IRAK1BP1: variants seen among roughly 807,000 people sequenced by gnomAD.
The protein encoded by IRAK1BP1 is interleukin-1 receptor-associated kinase 1-binding protein 1.
Under a neutral mutation model 28.0 loss-of-function variants are expected in IRAK1BP1, and 24 were observed. The observed-to-expected ratio is 0.86, with a 90% CI of 0.62 to 1.20. IRAK1BP1 has a LOEUF of 1.20. IRAK1BP1 is among the 50% of genes most tolerant of loss of function. The pLI is 0.00. For synonymous variants in IRAK1BP1, 131 were observed against 116.3 expected (o/e 1.13, Z -0.81); for missense variants, 336 against 316.7 (o/e 1.06, Z -0.46).
chr6:78,877,564 C>T (rs984512693), intron 1 of IRAK1BP1, among the ~76,000 whole-genome samples: 9 of 152,172 alleles, frequency 5.9e-5, no homozygotes, highest in African/African-American at 1.2e-4. Context: ...CCAGCGTGAG[C>T]GATGCAGAAG....
intron 4 of IRAK1BP1, chr6:78,940,018 T>TA (rs1773408801): frequency 6.6e-6 from 1 of 152,314 alleles, no homozygotes; most frequent in Non-Finnish European, 1.5e-5. Context: ...TCTGAAAAAT[T>TA]AGACAGTCAA....
In IRAK1BP1 at chr6:78,867,891, G is replaced by C; in HGVS notation, c.315G>C (p.Gln105His). 1 of 1,579,320 alleles carries C rather than the reference G, an allele frequency of 6.3e-7. No individual in the cohort carries two copies. The highest frequency in any genetic ancestry group is 8.6e-7 in the Non-Finnish European group (1 of 1,161,362). Residue 105 changes from glutamine to histidine, a missense_variant and splice_region_variant, in exon 1 of 4, where the codon CAG becomes CAC. Transcript: ENST00000369940. ...ITQSLQQQGV[Q>H]AENITVTKDF... ...AGAGCCTCCAGCAGCAGGGCGTGCA[G>C]GTGAGATCTCCGCGGGGGAGGAAAT...
chr6:78,940,828 G>A (rs2485701), intron 4 of IRAK1BP1: 2 of 1,613,790 alleles, frequency 1.2e-6, no homozygotes, highest in East Asian at 4.5e-5. Context: ...CCTCATTATA[G>A]AAAGCTGTCC....
intron 4 of IRAK1BP1, chr6:78,936,100 T>A (rs939438240): frequency 5.3e-5 from 8 of 151,924 alleles, no homozygotes; most frequent in Admixed American, 1.3e-4. Context: ...AATATGATAC[T>A]CCAGGTTCGG....
rs543922775 is a variant in IRAK1BP1, at chr6:78,924,181, TA to T, written c.*67+21074del. Among the ~76,000 whole-genome samples, 195 of 151,960 alleles carry T rather than the reference TA, an allele frequency of 1.3e-3. 2 individuals are homozygous for T. The highest frequency in any genetic ancestry group is 0.012 in the South Asian group (56 of 4,798). On this transcript the variant is annotated intron_variant and NMD_transcript_variant, in intron 4 of 4. Coordinates refer to the IRAK1BP1 transcript ENST00000606868. The stretch of plus-strand genomic sequence containing the variant: ...ATTGATAGACCGTTAGCAAGACTAA[TA>T]AAGAAGAAAAGAGAAGTATCAAATA...
chr6:78,934,685 A>G (rs1562104616), intron 4 of IRAK1BP1, among the ~76,000 whole-genome samples: 1 of 152,222 alleles, frequency 6.6e-6, no homozygotes, highest in Non-Finnish European at 1.5e-5. Context: ...AAATGAGATT[A>G]TCACCACTGG....
chr6:78,932,365 CAG>C (rs920686403), intron 4 of IRAK1BP1, among the ~76,000 whole-genome samples: 79 of 151,860 alleles, frequency 5.2e-4, no homozygotes, highest in African/African-American at 1.3e-3. Context: ...CCAGATTCCT[CAG>C]AGGAATCTCT....
chr6:78,929,947 C>T (rs144498175), intron 4 of IRAK1BP1, among the ~76,000 whole-genome samples: 74 of 151,698 alleles, frequency 4.9e-4, no homozygotes, highest in Middle Eastern at 3.4e-3. Flanking sequence ...TTTTTGTTTT[C>T]GTTTTTTGAG....
At chr6:78,879,012 A>G (rs1771116765) in intron 1 of IRAK1BP1, among the ~76,000 whole-genome samples, 1 of 152,214 alleles carries the variant, frequency 6.6e-6, no homozygotes, top group Non-Finnish European at 1.5e-5. Flanking sequence ...GACCAAATCT[A>G]CGTCTGATTG....
At chr6:78,909,169 T>A (rs1427618189) in intron 4 of IRAK1BP1, among the ~76,000 whole-genome samples, 1 of 152,228 alleles carries the variant, frequency 6.6e-6, no homozygotes, top group African/African-American at 2.4e-5. Context: ...TTTATGATTT[T>A]TCAACTTTAT....
At chr6:78,950,012 T>C (rs1774056698), downstream of IRAK1BP1, among the ~76,000 whole-genome samples, 1 of 152,056 alleles carries the variant, frequency 6.6e-6, no homozygotes, top group South Asian at 2.1e-4. Context: ...TAATAAACTT[T>C]TTCCTTCCAA....
the IRAK1BP1 span, among the ~76,000 whole-genome samples, chr6:78,971,916 G>T: frequency 6.6e-6 from 1 of 152,192 alleles, no homozygotes; most frequent in African/African-American, 2.4e-5. Context: ...ACAGCAGTCT[G>T]AGGTCAAACT....
chr6:78,978,737 T>G, the IRAK1BP1 span: 1 of 1,562,348 alleles, frequency 6.4e-7, no homozygotes, highest in Non-Finnish European at 8.8e-7. Flanking sequence ...TAATAATTGT[T>G]AAGTAATAAT....
At chr6:78,918,990 A>T (rs1402723552) in intron 4 of IRAK1BP1, among the ~76,000 whole-genome samples, 1 of 152,212 alleles carries the variant, frequency 6.6e-6, no homozygotes. Flanking sequence ...AAATCAAATC[A>T]TACCAAACAT....
At chr6:78,975,299 A>G in the IRAK1BP1 span, among the ~76,000 whole-genome samples, 1 of 152,348 alleles carries the variant, frequency 6.6e-6, no homozygotes, top group South Asian at 2.1e-4. Flanking sequence ...TAGATGCAGA[A>G]AAGGCCTTTG....
the IRAK1BP1 span, among the ~76,000 whole-genome samples, chr6:78,971,327 C>T: frequency 6.6e-6 from 1 of 152,228 alleles, no homozygotes; most frequent in Non-Finnish European, 1.5e-5. Flanking sequence ...GCAGGGCATA[C>T]ATTTATCCAC....
downstream of IRAK1BP1, chr6:78,946,728 G>T: frequency 6.3e-7 from 1 of 1,576,130 alleles, no homozygotes. Context: ...CAGCACTACT[G>T]GAAACAGAGC....
At chr6:78,880,758 A>G (rs1385589092) in intron 1 of IRAK1BP1, among the ~76,000 whole-genome samples, 1 of 152,220 alleles carries the variant, frequency 6.6e-6, no homozygotes, top group Admixed American at 6.5e-5. Flanking sequence ...TACAGATGGC[A>G]AATAGGCACA....
At chr6:78,911,891 T>C (rs892912292) in intron 4 of IRAK1BP1, among the ~76,000 whole-genome samples, 26 of 152,236 alleles carry the variant, frequency 1.7e-4, no homozygotes, top group Admixed American at 4.6e-4. Flanking sequence ...GGCACCCTTA[T>C]TGTTGTTGTT....
Sources: allele counts gnomAD v4.1 joint callset (sites outside exome capture counted in the v4.1 genomes callset), GRCh38; gene constraint gnomAD v4.1.1; transcripts MANE v1.5; gene names NCBI Gene and HGNC (gene_info 2026-07-23, HGNC 2026-07-21).